The following TPTE2 variants were observed in gnomAD, a reference collection of about 807,000 sequenced individuals.
The protein encoded by TPTE2 is transmembrane phosphoinositide 3-phosphatase and tensin homolog 2.
Under a neutral mutation model 78.6 loss-of-function variants are expected in TPTE2, and 53 were observed. The observed-to-expected ratio is 0.67, with a 90% CI of 0.54 to 0.85. TPTE2 has a LOEUF of 0.85. TPTE2 is among the 40% of genes least tolerant of loss of function. The pLI, the probability that TPTE2 is intolerant of heterozygous loss-of-function variation, is 0.00. For missense variants in TPTE2, 461 were observed against 623.0 expected (o/e 0.74, Z 2.77); for synonymous variants, 175 against 206.2 (o/e 0.85, Z 1.30).
At position 19,476,402 on chromosome 13, in the gene TPTE2, G is replaced by C. The variant is rs61956988; in HGVS notation, c.180-779C>G. On this transcript the variant is annotated intron_variant, in intron 4 of 19. Coordinates refer to ENST00000400230, the Ensembl canonical transcript of TPTE2. ...GAGACTTCAGTAGGAGAAGTCTTCAGGAAGTTTCTGTCATACTGAAGCCTC... is the reference window on the plus strand; with the variant it reads ...GAGACTTCAGTAGGAGAAGTCTTCACGAAGTTTCTGTCATACTGAAGCCTC... Among the ~76,000 whole-genome samples the C allele has an allele frequency of 8.0e-3, 1,205 of 150,896 alleles. 8 individuals are homozygous for C. Among genetic ancestry groups the C allele is most frequent in the Non-Finnish European group, 0.011 (755 of 67,574 alleles).
Position 19,465,460 on chromosome 13 carries a change from C to CT in TPTE2, c.612+4dup. On this transcript the variant is annotated splice_donor_region_variant and intron_variant, in intron 8 of 19. Coordinates refer to ENST00000400230, the Ensembl canonical transcript of TPTE2. Reference sequence around the variant, plus strand: ...CTGAATCATAAGCATGTTTTGCCCACTTACCAGCCTTCTCATCAGCTTTTC... The same window carrying CT: ...CTGAATCATAAGCATGTTTTGCCCACTTTACCAGCCTTCTCATCAGCTTTTC... The CT allele has an allele frequency of 6.2e-7, 1 of 1,608,108 alleles. No homozygotes were observed. The highest frequency in any genetic ancestry group is 8.5e-7 in the Non-Finnish European group (1 of 1,178,482).
chr13:19,529,859 A>C (rs1388644248), intron 1 of TPTE2, among the ~76,000 whole-genome samples: 1 of 152,202 alleles, frequency 6.6e-6, no homozygotes, highest in Non-Finnish European at 1.5e-5. Context: ...CTCTGTGGCC[A>C]CTATGACATT....
intron 3 of TPTE2, among the ~76,000 whole-genome samples, chr13:19,492,361 C>G (rs1392284615): frequency 6.6e-6 from 1 of 152,064 alleles, no homozygotes; most frequent in African/African-American, 2.4e-5. Context: ...TCTTTTTTTC[C>G]CAGGGCTTCA....
chr13:19,461,839 T>G (rs1025664611), intron 10 of TPTE2, among the ~76,000 whole-genome samples: 6 of 152,176 alleles, frequency 3.9e-5, no homozygotes, highest in Non-Finnish European at 8.8e-5. Flanking sequence ...TTGGTTTCTG[T>G]TTGCCTGGAA....
intron 3 of TPTE2, among the ~76,000 whole-genome samples, chr13:19,482,851 TATAA>T (rs1477411551): frequency 3.3e-5 from 5 of 151,044 alleles, no homozygotes; most frequent in South Asian, 4.2e-4. Flanking sequence ...ATATATAATA[TATAA>T]ATAATATAGG....
chr13:19,490,335 C>T (rs910129989), intron 3 of TPTE2, among the ~76,000 whole-genome samples: 1 of 152,080 alleles, frequency 6.6e-6, no homozygotes, highest in African/African-American at 2.4e-5. Context: ...TTTTCTGATA[C>T]AAATTAGCAA....
At chr13:19,508,138 C>T (rs1869195697), upstream of TPTE2, among the ~76,000 whole-genome samples, 2 of 152,072 alleles carry the variant, frequency 1.3e-5, no homozygotes, top group South Asian at 4.1e-4. Context: ...TAATTCCTGC[C>T]CAAACCAGGA....
chr13:19,518,198 ATACACTCATATTCTAGC>A (rs1266813610), intron 1 of TPTE2, among the ~76,000 whole-genome samples: 1 of 152,214 alleles, frequency 6.6e-6, no homozygotes, highest in African/African-American at 2.4e-5. Context: ...TACATTTAAA[ATACACTCATATTCTAGC>A]TAGAAGAGAG....
intron 6 of TPTE2, among the ~76,000 whole-genome samples, chr13:19,471,702 T>C (rs575909779): frequency 6.6e-6 from 1 of 152,334 alleles, no homozygotes; most frequent in East Asian, 1.9e-4. Context: ...ATAAGAGTAG[T>C]TTATACATCA....
chr13:19,442,511 T>G (rs1877564450), intron 13 of TPTE2, among the ~76,000 whole-genome samples: 1 of 151,460 alleles, frequency 6.6e-6, no homozygotes, highest in Non-Finnish European at 1.5e-5. Flanking sequence ...TGTCAAGAAG[T>G]CAGGAAAAGA....
chr13:19,451,275 G>C (rs752367810), intron 10 of TPTE2, 50 bp from the exon 14 acceptor site: 8 of 1,609,850 alleles, frequency 5.0e-6, no homozygotes, highest in South Asian at 2.2e-5. Flanking sequence ...ACCAACACAA[G>C]CTATTTCCTA....
intron 10 of TPTE2, among the ~76,000 whole-genome samples, chr13:19,453,000 A>G (rs1878284360): frequency 1.3e-5 from 1 of 74,658 alleles, no homozygotes; most frequent in South Asian, 3.5e-4. Context: ...ATTTTATTTT[A>G]TTTTATTTTA....
At chr13:19,493,556 T>C (rs1881137578) in intron 1 of TPTE2, 55 bp from the exon 5 acceptor site, 2 of 1,570,426 alleles carry the variant, frequency 1.3e-6, no homozygotes. Context: ...TGAATTTATA[T>C]TTTGGAAAAA....
intron 10 of TPTE2, among the ~76,000 whole-genome samples, chr13:19,461,509 C>T (rs1878887159): frequency 6.6e-6 from 1 of 152,112 alleles, no homozygotes; most frequent in Admixed American, 6.6e-5. Flanking sequence ...CTACAGAACA[C>T]CAGAACTTTT....
At chr13:19,561,385 C>G in the TPTE2 span, 254 of 452,802 alleles carry the variant, frequency 5.6e-4, 1 homozygote, top group East Asian at 4.0e-3. Flanking sequence ...CTGTCGCAGA[C>G]GCCGCCACCT....
chr13:19,502,867 C>CTTACTA (rs1868713295), intron 1 of TPTE2, among the ~76,000 whole-genome samples: 1 of 151,312 alleles, frequency 6.6e-6, no homozygotes, highest in Non-Finnish European at 1.5e-5. Flanking sequence ...AAAGAAGCTG[C>CTTACTA]TTACTAGGAA....
At chr13:19,505,030 T>C (rs1868906152), upstream of TPTE2, among the ~76,000 whole-genome samples, 1 of 152,170 alleles carries the variant, frequency 6.6e-6, no homozygotes, top group African/African-American at 2.4e-5. Context: ...AAGTAGATAG[T>C]TGGACACACA....
intron 1 of TPTE2, among the ~76,000 whole-genome samples, chr13:19,525,926 C>G (rs1870467826): frequency 6.6e-6 from 1 of 151,910 alleles, no homozygotes; most frequent in Non-Finnish European, 1.5e-5. Context: ...ACACAGCTAA[C>G]AAACATGAAA....
At chr13:19,435,425 A>G (rs1475195617) in intron 15 of TPTE2, among the ~76,000 whole-genome samples, 1 of 152,150 alleles carries the variant, frequency 6.6e-6, no homozygotes, top group Non-Finnish European at 1.5e-5. Context: ...GCAAGAGTGG[A>G]GAGTGGGGTT....
Sources: allele counts gnomAD v4.1 joint callset (sites outside exome capture counted in the v4.1 genomes callset), GRCh38; gene constraint gnomAD v4.1.1; transcripts MANE v1.5; gene names NCBI Gene and HGNC (gene_info 2026-07-23, HGNC 2026-07-21).